Variants in TMEM108 observed in about 807,000 individuals in gnomAD.
TMEM108 encodes the protein transmembrane protein 108.
Under a neutral mutation model 35.1 loss-of-function variants are expected in TMEM108, and 12 were observed. That is an observed-to-expected ratio of 0.34 (90% CI 0.22 to 0.55). The LOEUF is 0.55. TMEM108 is among the 20% of genes least tolerant of loss of function. The pLI, the probability that TMEM108 is intolerant of heterozygous loss-of-function variation, is 0.89. For missense variants in TMEM108, 680 were observed against 753.3 expected, an observed-to-expected ratio of 0.90 and a Z score of 1.14; for synonymous variants, 287 against 308.6, an observed-to-expected ratio of 0.93 and a Z score of 0.73.
chr3:133,196,124 G>A lies in TMEM108; in HGVS notation c.-46-33142G>A, dbSNP rs905318129. ...CTGGTCTCCTTGTCATCTTCTCATT[G>A]TTTTTAATCTTCTTATGTCTATGGC... On this transcript the variant is annotated intron_variant, in intron 2 of 5. Coordinates refer to ENST00000321871, the MANE Select transcript of TMEM108 (RefSeq NM_023943.4). Among the ~76,000 whole-genome samples, 5 of 152,168 alleles carry A rather than the reference G, an allele frequency of 3.3e-5. No homozygotes were observed. The East Asian group carries it at 7.7e-4, about 23-fold the overall frequency.
At chr3:133,359,787 A>G (rs528291097) in intron 3 of TMEM108, among the ~76,000 whole-genome samples, 2 of 152,318 alleles carry the variant, frequency 1.3e-5, no homozygotes, top group East Asian at 3.9e-4. Context: ...GCAGTTTTTA[A>G]TCAAGTTCAA....
chr3:133,370,125 T>C (rs2072613869), intron 3 of TMEM108, among the ~76,000 whole-genome samples: 1 of 150,494 alleles, frequency 6.6e-6, no homozygotes, highest in Non-Finnish European at 1.5e-5. Flanking sequence ...TTAACTGAAG[T>C]AGCACTTTGT....
intron 3 of TMEM108, among the ~76,000 whole-genome samples, chr3:133,232,086 G>C (rs1454797915): frequency 1.3e-5 from 2 of 152,194 alleles, no homozygotes; most frequent in Non-Finnish European, 2.9e-5. Flanking sequence ...GATAGGGAGA[G>C]TTCTAGCCCA....
rs1947265435 is a variant in TMEM108, at chr3:133,303,880, T to C, written c.40+74529T>C. ...CAAGCAGGAAATTGGAGTCTCTTTCTGTTAATGTAGCTTCTGATTTTATTC... is the reference window on the plus strand; with the variant it reads ...CAAGCAGGAAATTGGAGTCTCTTTCCGTTAATGTAGCTTCTGATTTTATTC... On this transcript the variant is annotated intron_variant, in intron 3 of 5. Coordinates refer to ENST00000321871, the MANE Select transcript of TMEM108 (RefSeq NM_023943.4). 1.3e-5 allele frequency among the ~76,000 whole-genome samples: 2 copies of C among 152,218 alleles called. 1 individual carries two copies. Among genetic ancestry groups the C allele is most frequent in the Admixed American group, 1.3e-4 (2 of 15,284 alleles).
chr3:133,188,373 T>C (rs1343674446), intron 2 of TMEM108, among the ~76,000 whole-genome samples: 5 of 152,048 alleles, frequency 3.3e-5, no homozygotes, highest in Non-Finnish European at 5.9e-5. Context: ...GAAATGACAT[T>C]TGTGGGTGGG....
At chr3:133,243,826 A>G (rs181205356) in intron 3 of TMEM108, among the ~76,000 whole-genome samples, 4 of 152,234 alleles carry the variant, frequency 2.6e-5, no homozygotes, top group Admixed American at 2.6e-4. Context: ...GCCCGGCCTC[A>G]TGTCTTTTTT....
intron 3 of TMEM108, among the ~76,000 whole-genome samples, chr3:133,369,372 C>G (rs1559932713): frequency 6.6e-6 from 1 of 152,204 alleles, no homozygotes; most frequent in East Asian, 1.9e-4. Flanking sequence ...GTATCCGTGT[C>G]CAGCATCGTA....
intron 2 of TMEM108, among the ~76,000 whole-genome samples, chr3:133,147,069 A>C (rs973579064): frequency 6.6e-6 from 1 of 152,144 alleles, no homozygotes; most frequent in African/African-American, 2.4e-5. Context: ...TCGATTGTAG[A>C]TCTTTCCTGC....
intron 3 of TMEM108, among the ~76,000 whole-genome samples, chr3:133,302,867 C>T (rs1184405233): frequency 1.3e-5 from 2 of 152,140 alleles, no homozygotes; most frequent in Non-Finnish European, 2.9e-5. Flanking sequence ...CATGCCTGCT[C>T]TCTGGTATAA....
intron 3 of TMEM108, among the ~76,000 whole-genome samples, chr3:133,313,891 G>T (rs1166005208): frequency 6.6e-6 from 1 of 152,016 alleles, no homozygotes; most frequent in African/African-American, 2.4e-5. Context: ...TGGCATTAAT[G>T]CCTGAAGACC....
chr3:133,070,881 G>C (rs1011956187), intron 2 of TMEM108, among the ~76,000 whole-genome samples: 1 of 151,964 alleles, frequency 6.6e-6, no homozygotes, highest in Non-Finnish European at 1.5e-5. Flanking sequence ...CAGCTGCTCT[G>C]AATGTTATGT....
At chr3:133,157,000 G>A (rs996320992) in intron 2 of TMEM108, among the ~76,000 whole-genome samples, 4 of 152,116 alleles carry the variant, frequency 2.6e-5, no homozygotes, top group Non-Finnish European at 4.4e-5. Flanking sequence ...ATTAATTTCT[G>A]TCATTTAAAG....
intron 1 of TMEM108, among the ~76,000 whole-genome samples, chr3:133,041,487 T>C (rs1201372314): frequency 1.3e-5 from 2 of 152,182 alleles, no homozygotes; most frequent in Non-Finnish European, 2.9e-5. Context: ...GTGTAGCCTC[T>C]AGTCAGAAGA....
intron 3 of TMEM108, among the ~76,000 whole-genome samples, chr3:133,320,170 C>G (rs1371152558): frequency 6.6e-6 from 1 of 151,888 alleles, no homozygotes; most frequent in Non-Finnish European, 1.5e-5. Context: ...GGATTCAAAC[C>G]AAGAAGAAAT....
At chr3:133,373,859 A>C (rs926133236) in intron 3 of TMEM108, among the ~76,000 whole-genome samples, 3 of 152,214 alleles carry the variant, frequency 2.0e-5, no homozygotes, top group African/African-American at 7.2e-5. Context: ...TTGTTCAAAA[A>C]TCTTAGGGTT....
chr3:133,176,069 CAAAG>C (rs1945222206), intron 2 of TMEM108, among the ~76,000 whole-genome samples: 1 of 152,144 alleles, frequency 6.6e-6, no homozygotes, highest in South Asian at 2.1e-4. Flanking sequence ...TCAAAAGAGA[CAAAG>C]AAGGTTGTTA....
intron 2 of TMEM108, among the ~76,000 whole-genome samples, chr3:133,181,038 A>AAAAAAAAAAAAAAAAAAAAAAAAAAC (rs869218859): frequency 7.9e-6 from 1 of 126,444 alleles, no homozygotes; most frequent in African/African-American, 2.9e-5. Context: ...AAAAAAAAAA[A>AAAAAAAAAAAAAAAAAAAAAAAAAAC]CAGCACTCCC....
chr3:133,247,289 C>T (rs1272064275), intron 3 of TMEM108: 2 of 152,122 alleles, frequency 1.3e-5, no homozygotes. Flanking sequence ...AAGTGTCAGC[C>T]TGCCTTTTGC....
intron 2 of TMEM108, among the ~76,000 whole-genome samples, chr3:133,074,539 G>A (rs1489715208): frequency 6.6e-6 from 1 of 152,140 alleles, no homozygotes; most frequent in Non-Finnish European, 1.5e-5. Flanking sequence ...GCCCAGGCTG[G>A]AGTGCAGTGG....
Sources: gnomAD v4.1 joint callset for allele counts (sites outside exome capture counted in the v4.1 genomes callset) on GRCh38, gnomAD v4.1.1 for gene constraint, MANE v1.5 for transcripts, NCBI Gene and HGNC (gene_info 2026-07-23, HGNC 2026-07-21) for gene names.